The following RAB7B variants were observed in gnomAD, a reference collection of about 807,000 sequenced individuals.
RAB7B encodes the protein RAB7B, member RAS oncogene family.
intron 5 of RAB7B, among the ~76,000 whole-genome samples, chr1:205,981,379 C>T (rs1388863057): frequency 2.0e-5 from 3 of 152,228 alleles, no homozygotes; most frequent in Admixed American, 1.3e-4. Context: ...AGAATGTTAA[C>T]TGAACACCTA....
At chr1:205,994,199 G>A (rs1660772397) in intron 1 of RAB7B, 48 bp from the exon 2 acceptor site, 1 of 398,350 alleles carries the variant, frequency 2.5e-6, no homozygotes, top group Admixed American at 4.4e-5. Context: ...GTTCCTTGTG[G>A]CCATTGTCAC....
At position 205,993,499 on chromosome 1, in the gene RAB7B, T is replaced by A. The variant is rs1660760081; in HGVS notation, c.101A>T (p.Tyr34Phe). The change falls in exon 3 of 6, where the codon TAT (tyrosine) becomes TTT (phenylalanine). Residue 34 changes from tyrosine (Y) to phenylalanine (F), a missense_variant. Transcript: ENST00000617070. ...LLHQYVHKTF[Y>F]EEYQTTLGAS... ...CCCCAGTGTGGTCTGGTATTCCTCA[T>A]AAAACGTCTTGTGCACATATTGGTG... The A allele has an allele frequency of 2.5e-6, 1 of 398,614 alleles. No homozygotes were observed. The highest frequency in any genetic ancestry group is 4.4e-6 in the Non-Finnish European group (1 of 226,062). 24.7% of individuals were successfully genotyped at this position (398,614 alleles called of 1,614,324 possible).
chr1:205,988,555 C>A (rs1382343871), intron 4 of RAB7B, among the ~76,000 whole-genome samples: 14 of 152,202 alleles, frequency 9.2e-5, no homozygotes, highest in African/African-American at 3.4e-4. Flanking sequence ...TTTATATACT[C>A]ATTTTCTTCT....
rs921709816 is a variant in RAB7B, at chr1:205,979,756, C to T, written c.523-828G>A. The stretch of plus-strand genomic sequence containing the variant: ...GGGTGAGTGATGAGCATTCACTCTA[C>T]GTGGAAGGGGTTTGTGCTACATTGG... On this transcript the variant is annotated intron_variant, in intron 5 of 5. Transcript: ENST00000617070. 4.1e-3 allele frequency among the ~76,000 whole-genome samples: 617 copies of T among 152,252 alleles called. 1 individual carries two copies. The highest frequency in any genetic ancestry group is 0.014 in the African/African-American group (579 of 41,528).
chr1:206,000,770 C>CTCCA (rs1211773715), intron 1 of RAB7B, among the ~76,000 whole-genome samples: 2 of 152,226 alleles, frequency 1.3e-5, no homozygotes, highest in East Asian at 3.8e-4. Context: ...GTGGAGCCTG[C>CTCCA]TCCAGCACAC....
chr1:206,003,164 T>G (rs1231314474), intron 1 of RAB7B, 89 bp downstream of exon 1: 2 of 152,334 alleles, frequency 1.3e-5, no homozygotes, highest in Non-Finnish European at 2.9e-5. Context: ...TTGCATTCCC[T>G]GCCTCCACTC....
intron 3 of RAB7B, 107 bp from the exon 4 acceptor site, chr1:205,992,802 G>T (rs891455475): frequency 1.4e-4 from 55 of 397,672 alleles, no homozygotes; most frequent in African/African-American, 1.0e-3. Context: ...GGAGCAGCAG[G>T]CCCTGGTACA....
At position 205,991,940 on chromosome 1, in the gene RAB7B, G is replaced by T. The variant is rs1030645701; in HGVS notation, c.396+540C>A. ...CCAACTGTCAAGTGGTTAACCCGAT[G>T]GTCCGGAATATGCTTAAGCTAATAC... On this transcript the variant is annotated intron_variant, in intron 4 of 5. Coordinates refer to ENST00000617070, the MANE Select transcript of RAB7B (RefSeq NM_001164522.3). 5.4e-3 allele frequency among the ~76,000 whole-genome samples: 816 copies of T among 152,322 alleles called. 5 individuals are homozygous for T. Among genetic ancestry groups the T allele is most frequent in the African/African-American group, 0.017 (725 of 41,556 alleles).
At chr1:205,989,401 C>A (rs1261230795) in intron 4 of RAB7B, among the ~76,000 whole-genome samples, 1 of 152,070 alleles carries the variant, frequency 6.6e-6, no homozygotes, top group Non-Finnish European at 1.5e-5. Flanking sequence ...TCTACTCCCG[C>A]GAGTCACCAC....
intron 1 of RAB7B, among the ~76,000 whole-genome samples, chr1:206,001,359 C>T (rs1660888256): frequency 6.6e-6 from 1 of 151,580 alleles, no homozygotes; most frequent in Admixed American, 6.6e-5. Context: ...TAGGACTATA[C>T]AGCTTATCTA....
chr1:205,977,579 G>A lies in RAB7B; in HGVS notation c.*1272C>T, dbSNP rs1369731581. 2 of 152,188 alleles carry A rather than the reference G, an allele frequency of 1.3e-5. No homozygotes were observed. Among genetic ancestry groups the A allele is most frequent in the African/African-American group, 4.8e-5 (2 of 41,428 alleles). 9.4% of individuals were successfully genotyped at this position (152,188 alleles called of 1,614,324 possible). Reference sequence around the variant, plus strand: ...AAGAGAAGGAGCACTGCTGCCCTCTGGTGGTCAGGCAGCAGAGCATCTAGG... The same window carrying A: ...AAGAGAAGGAGCACTGCTGCCCTCTAGTGGTCAGGCAGCAGAGCATCTAGG... On this transcript the variant is annotated 3_prime_UTR_variant, in exon 6 of 6. Transcript: ENST00000617070.
At chr1:205,993,916 A>G (rs1475815497) in intron 2 of RAB7B, among the ~76,000 whole-genome samples, 167 bp downstream of exon 2, 1 of 152,220 alleles carries the variant, frequency 6.6e-6, no homozygotes, top group Non-Finnish European at 1.5e-5. Flanking sequence ...ATCTGTTTAC[A>G]TGCAGCTTCT....
At position 205,985,610 on chromosome 1, in the gene RAB7B, T is replaced by A; in HGVS notation, c.452A>T (p.Glu151Val). ...WCREKDIPYF[E>V]VSAKNDINVV... ...ATTGATGTCATTCTTGGCACTGACTTCAAAGTAAGGAATATCTTTCTCTCT... is the reference window on the plus strand; with the variant it reads ...ATTGATGTCATTCTTGGCACTGACTACAAAGTAAGGAATATCTTTCTCTCT... The change falls in exon 5 of 6, where the codon GAA becomes GTA. Residue 151 changes from glutamate to valine, a missense_variant. By Grantham distance (121) the Glu-to-Val change is moderately radical. Coordinates refer to ENST00000617070, the MANE Select transcript of RAB7B (RefSeq NM_001164522.3). 2.5e-6 allele frequency: 1 copy of A among 399,158 alleles called. No individual in the cohort carries two copies. The highest frequency in any genetic ancestry group is 4.4e-6 in the Non-Finnish European group (1 of 226,354). 24.7% of individuals were successfully genotyped at this position (399,158 alleles called of 1,614,324 possible). A position where few individuals can be genotyped will look rare whatever the true frequency, so the allele number is the denominator to read the frequency against.
intron 4 of RAB7B, among the ~76,000 whole-genome samples, chr1:205,989,649 C>G (rs1178998590): frequency 2.6e-5 from 4 of 152,082 alleles, no homozygotes; most frequent in African/African-American, 9.7e-5. Flanking sequence ...TCCTGCTGCC[C>G]TGTTCCCCAG....
chr1:205,994,720 C>T (rs1041795005), intron 1 of RAB7B, among the ~76,000 whole-genome samples: 407 of 152,318 alleles, frequency 2.7e-3, no homozygotes, highest in African/African-American at 9.5e-3. Context: ...TAAAAATGTT[C>T]CTGCCCTCCA....
rs922811140 is a variant in RAB7B, at chr1:205,985,632, C to G, written c.430G>C (p.Glu144Gln). The part of the protein sequence containing the change: ...PQEVAQGWCR[E>Q]KDIPYFEVSA... ...ACTTCAAAGTAAGGAATATCTTTCT[C>G]TCTACACCAGCCTTGAGCTACTTCC... The change falls in exon 5 of 6, where the codon GAG (glutamate) becomes CAG (glutamine). Residue 144 changes from glutamate (E) to glutamine (Q), a missense_variant. Glu to Gln is a conservative substitution (Grantham distance 29). Transcript: ENST00000617070. 3 of 399,578 alleles carry G rather than the reference C, an allele frequency of 7.5e-6. No homozygotes were observed. Among genetic ancestry groups the G allele is most frequent in the Non-Finnish European group, 8.8e-6 (2 of 226,602 alleles). 24.8% of individuals were successfully genotyped at this position (399,578 alleles called of 1,614,324 possible).
At chr1:205,989,135 CCTCCATCCT>C (rs1251188692) in intron 4 of RAB7B, among the ~76,000 whole-genome samples, 1 of 151,794 alleles carries the variant, frequency 6.6e-6, no homozygotes, top group African/African-American at 2.4e-5. Flanking sequence ...TCCATCCTCT[CCTCCATCCT>C]CTCCTCACCC....
intron 5 of RAB7B, among the ~76,000 whole-genome samples, chr1:205,980,605 G>A (rs1660472156): frequency 6.6e-6 from 1 of 152,188 alleles, no homozygotes; most frequent in East Asian, 1.9e-4. Context: ...CAGTGGCCTT[G>A]CCTTAAGTCC....
At chr1:205,986,490 G>A (rs1423565079) in intron 4 of RAB7B, among the ~76,000 whole-genome samples, 1 of 152,198 alleles carries the variant, frequency 6.6e-6, no homozygotes, top group Non-Finnish European at 1.5e-5. Flanking sequence ...CCCTCTACAG[G>A]GCACTGCATA....
Sources: gnomAD v4.1 joint callset for allele counts (sites outside exome capture counted in the v4.1 genomes callset) on GRCh38, gnomAD v4.1.1 for gene constraint, MANE v1.5 for transcripts, NCBI Gene and HGNC (gene_info 2026-07-23, HGNC 2026-07-21) for gene names.